TRPM3: variants seen among roughly 807,000 people sequenced by gnomAD.
TRPM3 encodes the protein long transient receptor potential channel 3.
TRPM3 carries 77 observed loss-of-function variants against 181.2 expected under a neutral mutation model. The ratio of observed to expected loss-of-function variants is 0.42; its 90% CI spans 0.35 to 0.51. The LOEUF is 0.51. Among genes scored for constraint, TRPM3 ranks in the 20% least tolerant of loss-of-function variants. TRPM3 has a pLI of 0.01. For synonymous variants in TRPM3, 745 were observed against 796.4 expected (o/e 0.94, Z 1.09); for missense variants, 1,759 against 2,196.7 (o/e 0.80, Z 3.98).
upstream of TRPM3, among the ~76,000 whole-genome samples, chr9:71,122,549 G>A (rs1244846441): frequency 6.6e-6 from 1 of 152,104 alleles, no homozygotes; most frequent in African/African-American, 2.4e-5. Context: ...TGACCATGCT[G>A]ATTTTCCATT....
intron 5 of TRPM3, among the ~76,000 whole-genome samples, chr9:70,828,384 TTCTC>T (rs1336616503): frequency 1.3e-5 from 2 of 152,184 alleles, no homozygotes; most frequent in Non-Finnish European, 2.9e-5. Context: ...TTTCTTTCCT[TTCTC>T]TATCATGTCC....
At chr9:71,309,381 G>A (rs2087702925) in intron 1 of TRPM3, among the ~76,000 whole-genome samples, 1 of 152,052 alleles carries the variant, frequency 6.6e-6, no homozygotes, top group African/African-American at 2.4e-5. Context: ...TTTTCCAGAA[G>A]GATACCAATT....
In TRPM3 at chr9:71,057,100, C is replaced by T. The variant is rs554245914; in HGVS notation, c.177+64078G>A. 7.4e-4 allele frequency among the ~76,000 whole-genome samples: 113 copies of T among 152,138 alleles called. 1 individual carries two copies. The highest frequency in any genetic ancestry group is 2.6e-3 in the African/African-American group (109 of 41,536). ...TCATTTTGTTAAGTCTCCAGACACCCATGCCATCTGCTCATGACCCCCTCG... is the reference window on the plus strand; with the variant it reads ...TCATTTTGTTAAGTCTCCAGACACCTATGCCATCTGCTCATGACCCCCTCG... On this transcript the variant is annotated intron_variant, in intron 1 of 25. Coordinates refer to ENST00000677713, the MANE Select transcript of TRPM3 (RefSeq NM_001366145.2).
At chr9:70,893,396 T>C (rs965435537) in intron 1 of TRPM3, among the ~76,000 whole-genome samples, 51 of 152,258 alleles carry the variant, frequency 3.3e-4, no homozygotes, top group African/African-American at 1.2e-3. Context: ...TAGGTTCAAG[T>C]GAATAAAGAA....
intron 3 of TRPM3, among the ~76,000 whole-genome samples, chr9:70,858,401 A>G (rs78089443): frequency 0.1 from 15,533 of 152,136 alleles, 849 homozygotes; most frequent in Non-Finnish European, 0.11. Context: ...GATAAGAGGT[A>G]AAGAAGGAAC....
chr9:70,538,602 A>AT (rs1030563595), intron 25 of TRPM3, among the ~76,000 whole-genome samples: 3 of 145,754 alleles, frequency 2.1e-5, no homozygotes, highest in South Asian at 2.2e-4. Context: ...TGTTTTTTAA[A>AT]TTTTTTGTAG....
At chr9:70,588,819 A>G (rs969248125) in intron 22 of TRPM3, among the ~76,000 whole-genome samples, 1 of 152,242 alleles carries the variant, frequency 6.6e-6, no homozygotes, top group Non-Finnish European at 1.5e-5. Context: ...CCAGGGCCAT[A>G]ACATGAATAT....
chr9:70,804,979 T>G (rs982718068), intron 6 of TRPM3, among the ~76,000 whole-genome samples: 1 of 152,172 alleles, frequency 6.6e-6, no homozygotes, highest in Non-Finnish European at 1.5e-5. Flanking sequence ...TGGCCAGTGA[T>G]GCCAGCTGCA....
Position 70,864,538 on chromosome 9 carries a change from A to AAAAAAG in TRPM3, c.178-28_178-27insCTTTTT, listed in dbSNP as rs375135324. On this transcript the variant is annotated intron_variant, in intron 1 of 25. Transcript: ENST00000677713. Reference sequence around the variant, plus strand: ...TGAAAAAGAAAACAAAAAAAAAAAAAAAAGAAAAAAGAAAGAAAGGTGAAC... The same window carrying AAAAAAG: ...TGAAAAAGAAAACAAAAAAAAAAAAAAAAAAGAAAGAAAAAAGAAAGAAAGGTGAAC... The AAAAAAG allele has an allele frequency of 8.2e-5, 117 of 1,433,844 alleles. 1 individual carries two copies. The highest frequency in any genetic ancestry group is 9.7e-5 in the Non-Finnish European group (105 of 1,086,106). The allele number at this position is 1,433,844 out of a possible 1,614,324, so 88.8% of individuals were successfully genotyped here.
At chr9:71,114,242 G>A (rs1338614838) in intron 1 of TRPM3, among the ~76,000 whole-genome samples, 1 of 152,092 alleles carries the variant, frequency 6.6e-6, no homozygotes, top group South Asian at 2.1e-4. Context: ...TCCTATGCAT[G>A]TCCCTCTGAA....
chr9:70,683,415 TTC>T (rs961050236), intron 8 of TRPM3, among the ~76,000 whole-genome samples: 3 of 143,262 alleles, frequency 2.1e-5, no homozygotes, highest in East Asian at 2.1e-4. Context: ...TTTTCTCTCT[TTC>T]TCTCTCTCTC....
At chr9:70,954,440 T>C (rs1399610180) in intron 1 of TRPM3, among the ~76,000 whole-genome samples, 1 of 152,168 alleles carries the variant, frequency 6.6e-6, no homozygotes, top group African/African-American at 2.4e-5. Context: ...TCCTCTAAAC[T>C]GCAATCACAT....
At chr9:71,446,841 G>A, upstream of TRPM3, 1 of 1,535,730 alleles carries the variant, frequency 6.5e-7, no homozygotes, top group Non-Finnish European at 8.8e-7. Context: ...CCCATGAGAA[G>A]TTCGCCTCCC....
At chr9:71,235,952 CTTACT>C (rs1372834269) in intron 1 of TRPM3, among the ~76,000 whole-genome samples, 3 of 152,204 alleles carry the variant, frequency 2.0e-5, no homozygotes, top group African/African-American at 7.2e-5. Flanking sequence ...TGCTTCATAA[CTTACT>C]TTATTTGTTG....
intron 9 of TRPM3, among the ~76,000 whole-genome samples, chr9:70,651,776 CT>C (rs1253794646): frequency 6.6e-6 from 1 of 151,914 alleles, no homozygotes; most frequent in African/African-American, 2.4e-5. Flanking sequence ...TTTCTTTTTT[CT>C]TTACTATTTC....
At chr9:70,949,685 T>C (rs1253455538) in intron 1 of TRPM3, among the ~76,000 whole-genome samples, 1 of 152,034 alleles carries the variant, frequency 6.6e-6, no homozygotes, top group African/African-American at 2.4e-5. Context: ...ACTACAGGTG[T>C]ATTCCACCAT....
In TRPM3 at chr9:70,792,384, G is replaced by A. The variant is rs768620807; in HGVS notation, c.974-8105C>T. Among the ~76,000 whole-genome samples the A allele has an allele frequency of 2.0e-5, 3 of 152,114 alleles. No homozygotes were observed. In the East Asian group the frequency reaches 5.8e-4, roughly 29 times the overall value. ...TATGCAGGTAGAAAACAAAGGAGCA[G>A]AGGGTACCATGGAGGGGAGAGATCA... is the stretch of plus-strand genomic sequence containing the variant. On this transcript the variant is annotated intron_variant, in intron 6 of 25. Coordinates refer to ENST00000677713, the MANE Select transcript of TRPM3 (RefSeq NM_001366145.2).
At chr9:71,265,616 C>T (rs562923621) in intron 1 of TRPM3, among the ~76,000 whole-genome samples, 173 of 152,248 alleles carry the variant, frequency 1.1e-3, no homozygotes, top group African/African-American at 4.0e-3. Flanking sequence ...AACATCTGTT[C>T]TCAAGAGTTG....
rs566269556 is a variant in TRPM3 at position 71,390,012 on chromosome 9, G to A, written c.183+56641C>T. Reference sequence around the variant, plus strand: ...TTGGAAAATATTTCAGAACATTAGTGAAATACATACATAGAAGCACACATG... The same window carrying A: ...TTGGAAAATATTTCAGAACATTAGTAAAATACATACATAGAAGCACACATG... On this transcript the variant is annotated intron_variant, in intron 1 of 24. Transcript: ENST00000357533. Among the ~76,000 whole-genome samples, 26 of 152,158 alleles carry A rather than the reference G, an allele frequency of 1.7e-4. No individual in the cohort carries two copies. The South Asian group carries it at 2.9e-3, about 17-fold the overall frequency.
Sources: allele counts gnomAD v4.1 joint callset (sites outside exome capture counted in the v4.1 genomes callset), GRCh38; gene constraint gnomAD v4.1.1; transcripts MANE v1.5; gene names NCBI Gene and HGNC (gene_info 2026-07-23, HGNC 2026-07-21).